LRRIQ1: variants seen among roughly 807,000 people sequenced by gnomAD.
LRRIQ1 encodes the protein leucine rich repeats and IQ motif containing 1, also known as leucine-rich repeat- and IQ domain-containing protein 1.
In LRRIQ1, 210 loss-of-function variants were observed where a neutral mutation model predicts 211.9. The ratio of observed to expected loss-of-function variants is 0.99; its 90% CI spans 0.89 to 1.11. The LOEUF (loss-of-function observed/expected upper bound fraction) is 1.11, where lower values mean the gene tolerates loss of function less well. Ranked by LOEUF, LRRIQ1 falls within the 50% of genes most tolerant of loss-of-function variation. The probability of loss-of-function intolerance (pLI) is 0.00; values close to 1 mark genes in which losing one functional copy is unlikely to be tolerated. For missense variants in LRRIQ1, 2,136 were observed against 1,939.5 expected, an observed-to-expected ratio of 1.10 and a Z score of -1.90; for synonymous variants, 699 against 650.1, an observed-to-expected ratio of 1.08 and a Z score of -1.14.
intron 14 of LRRIQ1, among the ~76,000 whole-genome samples, chr12:85,105,349 C>G (rs116511398): frequency 2.6e-3 from 395 of 152,182 alleles, no homozygotes; most frequent in African/African-American, 9.0e-3. Flanking sequence ...TATGATCCCT[C>G]TCAAATTAAT....
intron 15 of LRRIQ1, among the ~76,000 whole-genome samples, chr12:85,121,077 C>T (rs548422908): frequency 2.0e-5 from 3 of 152,246 alleles, no homozygotes; most frequent in East Asian, 1.9e-4. Context: ...AAGTGATTCT[C>T]CTGCCTCAGC....
downstream of LRRIQ1, among the ~76,000 whole-genome samples, chr12:85,247,108 C>T (rs562112229): frequency 6.6e-6 from 1 of 151,476 alleles, no homozygotes; most frequent in Admixed American, 6.6e-5. Flanking sequence ...GTATGGAAGT[C>T]TCAAGTATCT....
intron 2 of LRRIQ1, among the ~76,000 whole-genome samples, chr12:85,038,783 T>C (rs561712192): frequency 6.6e-5 from 10 of 151,662 alleles, no homozygotes; most frequent in African/African-American, 2.4e-4. Context: ...ATTGAGCTAA[T>C]ATTTCCAGTG....
chr12:85,170,102 T>C (rs1891340195), intron 24 of LRRIQ1, among the ~76,000 whole-genome samples: 1 of 152,018 alleles, frequency 6.6e-6, no homozygotes, highest in Non-Finnish European at 1.5e-5. Context: ...CTGGATAAGG[T>C]AGATTCAGGG....
At position 85,194,782 on chromosome 12, in the gene LRRIQ1, C is replaced by G. The variant is rs957643746; in HGVS notation, c.4822+34068C>G. ...AAAGAACTAGAAAAGCAAGAGCAAA[C>G]ACATTCAAAAGCTAGCAGAAGGCAA... On this transcript the variant is annotated intron_variant, in intron 24 of 26. Transcript: ENST00000393217. Among the ~76,000 whole-genome samples, 38 of 152,202 alleles carry G rather than the reference C, an allele frequency of 2.5e-4. 1 individual carries two copies. Among genetic ancestry groups the G allele is most frequent in the African/African-American group, 9.1e-4 (38 of 41,536 alleles).
intron 19 of LRRIQ1, among the ~76,000 whole-genome samples, chr12:85,145,821 T>A (rs1228055110): frequency 1.3e-5 from 2 of 151,770 alleles, no homozygotes; most frequent in African/African-American, 4.8e-5. Flanking sequence ...TCCCATTCTG[T>A]TAGTTTTATG....
intron 26 of LRRIQ1, among the ~76,000 whole-genome samples, chr12:85,243,318 T>TATTATC (rs1895554622): frequency 8.1e-6 from 1 of 124,170 alleles, no homozygotes. Context: ...TAACTTTTAT[T>TATTATC]ATTATTATTA....
intron 4 of LRRIQ1, among the ~76,000 whole-genome samples, chr12:85,045,496 A>T (rs893903690): frequency 6.6e-6 from 1 of 151,876 alleles, no homozygotes; most frequent in South Asian, 2.1e-4. Context: ...TTAATTTTCA[A>T]TTATTATACT....
intron 10 of LRRIQ1, among the ~76,000 whole-genome samples, chr12:85,067,559 A>T (rs1882574100): frequency 6.6e-6 from 1 of 151,496 alleles, no homozygotes; most frequent in South Asian, 2.1e-4. Flanking sequence ...TTATTTATTT[A>T]TATTTTTGAT....
intron 24 of LRRIQ1, among the ~76,000 whole-genome samples, chr12:85,223,131 A>G (rs1894479733): frequency 6.6e-6 from 1 of 152,162 alleles, no homozygotes; most frequent in South Asian, 2.1e-4. Context: ...GTTCAGGTGG[A>G]AATATGAGAT....
intron 19 of LRRIQ1, among the ~76,000 whole-genome samples, chr12:85,146,293 T>C (rs1272106360): frequency 6.6e-6 from 1 of 151,782 alleles, no homozygotes; most frequent in Non-Finnish European, 1.5e-5. Flanking sequence ...TAGGTGGTAA[T>C]TGTCCACCCC....
chr12:85,137,829 A>C (rs369626012), intron 18 of LRRIQ1, 21 bp from the exon 19 acceptor site: 1 of 1,567,848 alleles, frequency 6.4e-7, no homozygotes, highest in African/African-American at 1.4e-5. Flanking sequence ...TTTGTATAAC[A>C]TACTTTACAT....
At chr12:85,210,203 G>A (rs762440897) in intron 24 of LRRIQ1, among the ~76,000 whole-genome samples, 15 of 152,128 alleles carry the variant, frequency 9.9e-5, no homozygotes, top group Non-Finnish European at 1.6e-4. Flanking sequence ...AGGATATTAT[G>A]TATGAATTGG....
At chr12:85,183,645 T>A (rs987560866) in intron 24 of LRRIQ1, among the ~76,000 whole-genome samples, 12 of 152,168 alleles carry the variant, frequency 7.9e-5, no homozygotes, top group African/African-American at 2.4e-4. Context: ...GTATGGAAGT[T>A]CAATGTGCTG....
In LRRIQ1 at chr12:85,098,366, T is replaced by C. The variant is rs1253965396; in HGVS notation, c.2899T>C (p.Ser967Pro). ...SHLYWNCGLE[S>P]LKNLQQLILD... ...CTTTTTTCTTCTAGGTGGTTTAGAA[T>C]CTTTGAAAAATCTTCAACAACTAAT... The change falls in exon 12 of 27, where the codon TCT (serine) becomes CCT (proline). Residue 967 changes from serine (S) to proline (P), a missense_variant. Ser to Pro is a moderately conservative substitution (Grantham distance 74). Coordinates refer to ENST00000393217, the MANE Select transcript of LRRIQ1 (RefSeq NM_001079910.2). The C allele has an allele frequency of 5.6e-6, 9 of 1,604,200 alleles. No homozygotes were observed. The African/African-American group carries it at 1.1e-4, about 19-fold the overall frequency.
chr12:85,158,434 A>G (rs1592901198), intron 23 of LRRIQ1, among the ~76,000 whole-genome samples: 2 of 152,100 alleles, frequency 1.3e-5, no homozygotes, highest in Middle Eastern at 6.8e-3. Flanking sequence ...ACCTGCAAAA[A>G]ATGGGTAATA....
At chr12:85,125,673 T>G (rs1888326845) in intron 17 of LRRIQ1, among the ~76,000 whole-genome samples, 1 of 152,166 alleles carries the variant, frequency 6.6e-6, no homozygotes, top group South Asian at 2.1e-4. Flanking sequence ...ATGCTGAAAC[T>G]AACTTGTTTC....
At chr12:85,128,928 A>G (rs1888565547) in intron 18 of LRRIQ1, among the ~76,000 whole-genome samples, 1 of 152,178 alleles carries the variant, frequency 6.6e-6, no homozygotes, top group African/African-American at 2.4e-5. Context: ...GTCTGATATC[A>G]AAGTGTTGAC....
chr12:85,215,064 C>G (rs980367307), intron 24 of LRRIQ1, among the ~76,000 whole-genome samples: 4 of 152,086 alleles, frequency 2.6e-5, no homozygotes, highest in African/African-American at 9.7e-5. Flanking sequence ...AACTCATGAA[C>G]ATATAAACAA....
Sources: allele counts gnomAD v4.1 joint callset (sites outside exome capture counted in the v4.1 genomes callset), GRCh38; gene constraint gnomAD v4.1.1; transcripts MANE v1.5; gene names NCBI Gene and HGNC (gene_info 2026-07-23, HGNC 2026-07-21).